The following NBEAL1 variants were observed in gnomAD, a reference collection of about 807,000 sequenced individuals.
NBEAL1 encodes the protein neurobeachin like 1.
In NBEAL1, 273 loss-of-function variants were observed where a neutral mutation model predicts 351.3. The observed-to-expected ratio is 0.78, with a 90% CI of 0.70 to 0.86. The LOEUF is 0.86. Ranked by LOEUF, NBEAL1 falls within the 40% of genes least tolerant of loss-of-function variation. The probability of loss-of-function intolerance (pLI) is 0.00; values close to 1 mark genes in which losing one functional copy is unlikely to be tolerated. For synonymous variants in NBEAL1, 1,050 were observed against 1,086.4 expected, an observed-to-expected ratio of 0.97 and a Z score of 0.66; for missense variants, 2,961 against 3,201.3, an observed-to-expected ratio of 0.92 and a Z score of 1.81.
chr2:203,060,518 G>A (rs1436803423), intron 6 of NBEAL1, among the ~76,000 whole-genome samples: 2 of 152,086 alleles, frequency 1.3e-5, no homozygotes, highest in African/African-American at 4.8e-5. Flanking sequence ...CCTCCGTATA[G>A]GAATACATTT....
chr2:203,188,328 A>G, intron 44 of NBEAL1, 144 bp from the exon 45 acceptor site: 2 of 486,802 alleles, frequency 4.1e-6, no homozygotes, highest in Non-Finnish European at 7.3e-6. Context: ...AATGCTTGCC[A>G]TTATTTTGAG....
chr2:203,024,100 G>T (rs2060813230), intron 2 of NBEAL1, among the ~76,000 whole-genome samples: 1 of 151,198 alleles, frequency 6.6e-6, no homozygotes, highest in African/African-American at 2.4e-5. Flanking sequence ...GGAGGGCAGG[G>T]TGGGAGATTT....
At chr2:203,131,254 C>T (rs953932119) in intron 25 of NBEAL1, among the ~76,000 whole-genome samples, 4 of 152,202 alleles carry the variant, frequency 2.6e-5, no homozygotes, top group Non-Finnish European at 5.9e-5. Flanking sequence ...CTCGCTCTGT[C>T]GCCTAGGCTG....
At chr2:203,056,950 G>A (rs999386599) in intron 5 of NBEAL1, among the ~76,000 whole-genome samples, 1 of 152,026 alleles carries the variant, frequency 6.6e-6, no homozygotes, top group African/African-American at 2.4e-5. Flanking sequence ...ACTTATTGTT[G>A]GGTAATGCAT....
chr2:203,210,882 T>C (rs2065769244), intron 53 of NBEAL1, 76 bp from the exon 54 acceptor site: 2 of 761,368 alleles, frequency 2.6e-6, no homozygotes, highest in Middle Eastern at 2.6e-4. Context: ...TATTCTGTTA[T>C]AGTCAGAGTT....
At chr2:203,202,268 G>A (rs1316529541) in intron 50 of NBEAL1, among the ~76,000 whole-genome samples, 1 of 152,096 alleles carries the variant, frequency 6.6e-6, no homozygotes, top group Non-Finnish European at 1.5e-5. Context: ...TATTTGTATT[G>A]TGAATTTATA....
chr2:203,148,067 A>G (rs7564679), intron 33 of NBEAL1, among the ~76,000 whole-genome samples: 71,475 of 151,820 alleles, frequency 0.47, 18,161 homozygotes, highest in Middle Eastern at 0.68. Flanking sequence ...TTAAATATTT[A>G]GTAACATTGT....
chr2:203,217,282 T>C lies in NBEAL1; in HGVS notation c.8100T>C (p.Phe2700=), dbSNP rs532576544. The change falls in exon 56 of 56, where the codon TTT becomes TTC. Residue 2700 remains phenylalanine (F), a synonymous_variant. Transcript: ENST00000683969. ...EMRSGQLSRK[F]WGSSKRLSQI... ...GTTCAGGTCAGCTTTCTCGAAAATT[T>C]TGGGGATCGAGCAAGCGGCTCAGCC... is the stretch of plus-strand genomic sequence containing the variant. 8 of 1,599,314 alleles carry C rather than the reference T, an allele frequency of 5.0e-6. No homozygotes were observed. Among genetic ancestry groups the C allele is most frequent in the Middle Eastern group, 1.7e-4 (1 of 6,030 alleles).
chr2:203,099,557 C>G, intron 11 of NBEAL1, 72 bp from the exon 12 acceptor site: 3 of 983,578 alleles, frequency 3.1e-6, no homozygotes, highest in Non-Finnish European at 3.0e-6. Flanking sequence ...GTTTTCAGAC[C>G]AAAGGTTTCC....
rs550373950 is a variant in NBEAL1 at position 203,204,009 on chromosome 2, A to C, written c.7506+1228A>C. Reference sequence around the variant, plus strand: ...AGTGGCGCAAGCTTGGCTCACTGCAACCTCCACCTCCTGGGTTCAAGTGAT... The same window carrying C: ...AGTGGCGCAAGCTTGGCTCACTGCACCCTCCACCTCCTGGGTTCAAGTGAT... On this transcript the variant is annotated intron_variant, in intron 51 of 55. Coordinates refer to ENST00000683969, the MANE Select transcript of NBEAL1 (RefSeq NM_001378026.1). Among the ~76,000 whole-genome samples, 8 of 150,802 alleles carry C rather than the reference A, an allele frequency of 5.3e-5. No homozygotes were observed. In the South Asian group the frequency reaches 1.7e-3, roughly 32 times the overall value.
intron 4 of NBEAL1, 53 bp downstream of exon 4, chr2:203,050,028 A>G (rs2061299823): frequency 3.4e-6 from 5 of 1,490,802 alleles, no homozygotes; most frequent in Non-Finnish European, 4.6e-6. Flanking sequence ...GAGTTGAACA[A>G]TGAGAACACA....
At chr2:203,063,501 G>C (rs899885055) in intron 6 of NBEAL1, among the ~76,000 whole-genome samples, 2 of 150,560 alleles carry the variant, frequency 1.3e-5, no homozygotes, top group Admixed American at 1.3e-4. Context: ...GGAGAAAGGA[G>C]TGGAAAAAGG....
rs370685227 is a variant in NBEAL1, at chr2:203,088,163, G to C, written c.1098+3594G>C. Among the ~76,000 whole-genome samples the C allele has an allele frequency of 1.2e-4, 18 of 151,964 alleles. 2 individuals carry two copies. The highest frequency in any genetic ancestry group is 6.5e-4 in the Admixed American group (10 of 15,274). Reference sequence around the variant, plus strand: ...GTATTAAATGATATAAACTCCAATGGGAGACTACTCTCCTTTTCTGTATAA... The same window carrying C: ...GTATTAAATGATATAAACTCCAATGCGAGACTACTCTCCTTTTCTGTATAA... On this transcript the variant is annotated intron_variant, in intron 10 of 55. Coordinates refer to ENST00000683969, the MANE Select transcript of NBEAL1 (RefSeq NM_001378026.1).
chr2:203,193,665 C>A, intron 46 of NBEAL1, 130 bp from the exon 47 acceptor site: 1 of 539,092 alleles, frequency 1.9e-6, no homozygotes, highest in Non-Finnish European at 3.2e-6. Context: ...TAGTCTGAGC[C>A]AACACCTATA....
chr2:203,125,883 G>GAAAT, intron 20 of NBEAL1, 77 bp from the exon 21 acceptor site: 1 of 1,192,484 alleles, frequency 8.4e-7, no homozygotes, highest in South Asian at 1.8e-5. Flanking sequence ...GTGTAACAGT[G>GAAAT]TGCATTAAGA....
intron 25 of NBEAL1, 86 bp downstream of exon 25, chr2:203,130,562 A>C: frequency 1.1e-6 from 1 of 875,526 alleles, no homozygotes; most frequent in Non-Finnish European, 1.5e-6. Context: ...CTGTGACTAT[A>C]AATTATTTTT....
chr2:203,113,714 G>A (rs1026073922), intron 17 of NBEAL1, among the ~76,000 whole-genome samples: 1 of 151,838 alleles, frequency 6.6e-6, no homozygotes, highest in Non-Finnish European at 1.5e-5. Flanking sequence ...TTCTATATAA[G>A]TGAGGCTTCT....
intron 46 of NBEAL1, 84 bp downstream of exon 46, chr2:203,190,473 A>G: frequency 3.2e-6 from 3 of 925,578 alleles, no homozygotes; most frequent in Non-Finnish European, 1.7e-6. Flanking sequence ...GTCAAGATCC[A>G]TGTATATAGC....
chr2:203,164,997 G>T (rs1486236435), intron 36 of NBEAL1, among the ~76,000 whole-genome samples: 1 of 152,056 alleles, frequency 6.6e-6, no homozygotes, highest in Non-Finnish European at 1.5e-5. Flanking sequence ...AAGTAGCTGG[G>T]ATTACAGGCA....
Sources: gnomAD v4.1 joint callset for allele counts (sites outside exome capture counted in the v4.1 genomes callset) on GRCh38, gnomAD v4.1.1 for gene constraint, MANE v1.5 for transcripts, NCBI Gene and HGNC (gene_info 2026-07-23, HGNC 2026-07-21) for gene names.